Variants in TENM2 observed in about 807,000 individuals in gnomAD.
TENM2 encodes the protein teneurin transmembrane protein 2.
A neutral mutation model predicts 245.2 loss-of-function variants in TENM2; 52 were observed. That is an observed-to-expected ratio of 0.21 (90% confidence interval 0.17 to 0.27). TENM2 has a LOEUF of 0.27. Ranked by LOEUF, TENM2 falls within the 10% of genes least tolerant of loss-of-function variation. TENM2 has a pLI of 1.00. For synonymous variants in TENM2, 1,363 were observed against 1,438.9 expected, an observed-to-expected ratio of 0.95 and a Z score of 1.19; for missense variants, 3,046 against 3,666.8, an observed-to-expected ratio of 0.83 and a Z score of 4.37.
At chr5:167,004,666 T>G in the TENM2 span, among the ~76,000 whole-genome samples, 3 of 152,242 alleles carry the variant, frequency 2.0e-5, no homozygotes, top group Non-Finnish European at 4.4e-5. Context: ...TATTTTAATA[T>G]GAGTAGGGTT....
At chr5:167,839,017 T>C (rs1179496142) in intron 2 of TENM2, among the ~76,000 whole-genome samples, 1 of 152,174 alleles carries the variant, frequency 6.6e-6, no homozygotes, top group African/African-American at 2.4e-5. Context: ...GGGAAATGGG[T>C]TGTTGTGAGA....
At chr5:168,112,106 G>A (rs999446803) in intron 9 of TENM2, among the ~76,000 whole-genome samples, 8 of 152,000 alleles carry the variant, frequency 5.3e-5, no homozygotes, top group Non-Finnish European at 1.0e-4. Flanking sequence ...GTTCCTTCAT[G>A]GTTTCTAGAA....
intron 1 of TENM2, among the ~76,000 whole-genome samples, chr5:167,315,021 T>C (rs1298740001): frequency 1.3e-5 from 2 of 152,126 alleles, no homozygotes; most frequent in Admixed American, 1.3e-4. Context: ...TGCTACATTT[T>C]ACTTAACCAT....
intron 4 of TENM2, among the ~76,000 whole-genome samples, chr5:167,990,308 A>C (rs1340895150): frequency 6.6e-6 from 1 of 152,180 alleles, no homozygotes; most frequent in Non-Finnish European, 1.5e-5. Flanking sequence ...TAAAATCTGC[A>C]TTTCAGGCTC....
At chr5:167,057,102 G>A in the TENM2 span, among the ~76,000 whole-genome samples, 3 of 152,026 alleles carry the variant, frequency 2.0e-5, no homozygotes, top group African/African-American at 4.8e-5. Flanking sequence ...TTCTTAAGCT[G>A]TGTCCAGTCT....
At chr5:168,189,354 C>A (rs188216056) in intron 13 of TENM2, among the ~76,000 whole-genome samples, 1 of 152,198 alleles carries the variant, frequency 6.6e-6, no homozygotes, top group Non-Finnish European at 1.5e-5. Flanking sequence ...CTGTCAGTTT[C>A]CCCCACTCTA....
intron 1 of TENM2, among the ~76,000 whole-genome samples, chr5:167,314,671 A>G (rs904271510): frequency 6.6e-6 from 1 of 152,240 alleles, no homozygotes; most frequent in African/African-American, 2.4e-5. Flanking sequence ...CACAGAGTTG[A>G]TGAACAATTT....
At chr5:168,015,771 A>G (rs1019206445) in intron 5 of TENM2, among the ~76,000 whole-genome samples, 1 of 152,188 alleles carries the variant, frequency 6.6e-6, no homozygotes, top group Non-Finnish European at 1.5e-5. Flanking sequence ...TGAGGATAAA[A>G]AAACCTCTCC....
chr5:167,366,814 T>G (rs1422529), intron 1 of TENM2, among the ~76,000 whole-genome samples: 144,799 of 152,178 alleles, frequency 0.95, 68,983 homozygotes, highest in East Asian at 0.98. Context: ...AAATTGTTTA[T>G]GGAGGAAGAG....
At chr5:167,354,039 C>A (rs771924099) in intron 1 of TENM2, among the ~76,000 whole-genome samples, 1 of 152,150 alleles carries the variant, frequency 6.6e-6, no homozygotes, top group Non-Finnish European at 1.5e-5. Context: ...AATGGAACTA[C>A]GACCTTTTCT....
At chr5:167,717,540 T>C (rs1478724352) in intron 2 of TENM2, among the ~76,000 whole-genome samples, 1 of 152,214 alleles carries the variant, frequency 6.6e-6, no homozygotes, top group Non-Finnish European at 1.5e-5. Flanking sequence ...TAGGATGCTA[T>C]ACTTTTTATA....
At chr5:167,733,694 T>G (rs1760595900) in intron 2 of TENM2, among the ~76,000 whole-genome samples, 3 of 152,230 alleles carry the variant, frequency 2.0e-5, no homozygotes, top group Admixed American at 1.3e-4. Flanking sequence ...AATTTATTTC[T>G]TTTAAACGGA....
intron 2 of TENM2, among the ~76,000 whole-genome samples, chr5:167,385,086 T>C (rs1761338640): frequency 6.6e-6 from 1 of 152,168 alleles, no homozygotes; most frequent in Admixed American, 6.5e-5. Flanking sequence ...AATGATTAAA[T>C]AATAAAGTAG....
the TENM2 span, among the ~76,000 whole-genome samples, chr5:167,196,800 G>A: frequency 6.6e-6 from 1 of 151,802 alleles, no homozygotes; most frequent in Non-Finnish European, 1.5e-5. Context: ...GAGAGGATTT[G>A]AAGTATACTA....
At chr5:168,253,615 C>CG (rs1314874076) in intron 27 of TENM2, among the ~76,000 whole-genome samples, 1 of 150,514 alleles carries the variant, frequency 6.6e-6, no homozygotes, top group Non-Finnish European at 1.5e-5. Context: ...TTAGTAGAGA[C>CG]GGGGTTTCAC....
intron 25 of TENM2, among the ~76,000 whole-genome samples, chr5:168,233,610 G>A (rs762942596): frequency 1.1e-4 from 17 of 152,274 alleles, no homozygotes; most frequent in South Asian, 6.2e-4. Context: ...AAGAGTAGGC[G>A]CTGTCTTACC....
intron 4 of TENM2, among the ~76,000 whole-genome samples, chr5:167,987,459 G>A (rs1456571934): frequency 6.6e-6 from 1 of 151,738 alleles, no homozygotes; most frequent in Non-Finnish European, 1.5e-5. Context: ...TCCCAAGTAG[G>A]TGGGATTACA....
At chr5:167,907,124 C>T (rs1310667228) in intron 3 of TENM2, among the ~76,000 whole-genome samples, 1 of 151,722 alleles carries the variant, frequency 6.6e-6, no homozygotes, top group African/African-American at 2.4e-5. Context: ...CCCAGCTACT[C>T]GGGAGGCTGA....
At chr5:167,799,175 G>C (rs1220091918) in intron 2 of TENM2, among the ~76,000 whole-genome samples, 1 of 152,198 alleles carries the variant, frequency 6.6e-6, no homozygotes, top group Admixed American at 6.5e-5. Flanking sequence ...GAGGCACTCA[G>C]CTGTATCTCC....
Sources: allele counts gnomAD v4.1 joint callset (sites outside exome capture counted in the v4.1 genomes callset), GRCh38; gene constraint gnomAD v4.1.1; transcripts MANE v1.5; gene names NCBI Gene and HGNC (gene_info 2026-07-23, HGNC 2026-07-21).